The following WDR41 variants were observed in gnomAD, a reference collection of about 807,000 sequenced individuals.
WDR41 encodes WD repeat-containing protein 41.
In WDR41, 63 loss-of-function variants were observed where a neutral mutation model predicts 69.3. That is an observed-to-expected ratio of 0.91 (90% CI 0.74 to 1.12). The LOEUF (loss-of-function observed/expected upper bound fraction) is 1.12. Ranked by LOEUF, WDR41 falls within the 50% of genes most tolerant of loss-of-function variation. The pLI is 0.00. For synonymous variants in WDR41, 185 were observed against 192.1 expected (o/e 0.96, Z 0.31); for missense variants, 543 against 534.5 (o/e 1.02, Z -0.16).
chr5:77,531,055 T>C (rs1802522384), intron 1 of WDR41, among the ~76,000 whole-genome samples: 2 of 151,706 alleles, frequency 1.3e-5, no homozygotes, highest in Non-Finnish European at 3.0e-5. Flanking sequence ...ATAAAACTCT[T>C]AGGAAAAAAC....
chr5:77,586,262 A>G (rs1376440480), intron 1 of WDR41, among the ~76,000 whole-genome samples: 1 of 151,972 alleles, frequency 6.6e-6, no homozygotes, highest in Non-Finnish European at 1.5e-5. Flanking sequence ...TTACATCTCA[A>G]TAAAACCCTT....
chr5:77,450,947 G>GT (rs1464009704), intron 7 of WDR41, among the ~76,000 whole-genome samples: 1 of 152,116 alleles, frequency 6.6e-6, no homozygotes, highest in East Asian at 1.9e-4. Context: ...TCAAAAGAAG[G>GT]TTTTTCAGTC....
chr5:77,593,682 G>C (rs1744170821), intron 1 of WDR41, among the ~76,000 whole-genome samples: 1 of 152,140 alleles, frequency 6.6e-6, no homozygotes, highest in African/African-American at 2.4e-5. Context: ...GAATATTAAA[G>C]CTGGAAGAGA....
intron 5 of WDR41, chr5:77,458,719 T>C: frequency 6.0e-6 from 1 of 167,958 alleles, no homozygotes. Context: ...AATAGCTCTA[T>C]ATTTTAAATT....
chr5:77,506,809 T>G (rs145197360), intron 1 of WDR41, among the ~76,000 whole-genome samples: 1,986 of 152,132 alleles, frequency 0.013, 18 homozygotes, highest in Non-Finnish European at 0.022. Flanking sequence ...ACACCATATG[T>G]TCTCAGTCAT....
chr5:77,473,937 A>T (rs1047435154), intron 2 of WDR41, among the ~76,000 whole-genome samples: 23 of 152,212 alleles, frequency 1.5e-4, no homozygotes, highest in Non-Finnish European at 3.2e-4. Flanking sequence ...ATTACTGGGT[A>T]TATACCCAAA....
intron 1 of WDR41, among the ~76,000 whole-genome samples, chr5:77,581,599 G>A (rs1267053888): frequency 6.6e-6 from 1 of 152,072 alleles, no homozygotes; most frequent in Non-Finnish European, 1.5e-5. Context: ...CCATATGTTA[G>A]GCCACAAAAT....
intron 2 of WDR41, among the ~76,000 whole-genome samples, chr5:77,467,579 C>T (rs1478267264): frequency 1.3e-5 from 2 of 151,992 alleles, no homozygotes; most frequent in African/African-American, 4.8e-5. Flanking sequence ...AAATATGCTT[C>T]TTAGAATCAT....
At chr5:77,498,541 AGTCATG>A (rs1801966917) in intron 1 of WDR41, among the ~76,000 whole-genome samples, 1 of 152,202 alleles carries the variant, frequency 6.6e-6, no homozygotes, top group Middle Eastern at 3.2e-3. Context: ...TGGAGAGGCC[AGTCATG>A]GTGTCTCAAG....
chr5:77,569,777 T>C (rs1014925844), intron 1 of WDR41, among the ~76,000 whole-genome samples: 2 of 152,204 alleles, frequency 1.3e-5, no homozygotes, highest in Admixed American at 1.3e-4. Flanking sequence ...TTTTCTTCTC[T>C]TTGTTGACCA....
At chr5:77,576,305 C>A (rs367700561) in intron 1 of WDR41, among the ~76,000 whole-genome samples, 1 of 152,136 alleles carries the variant, frequency 6.6e-6, no homozygotes, top group Non-Finnish European at 1.5e-5. Flanking sequence ...TTCACTACCC[C>A]CCTCAACCTG....
At chr5:77,607,841 AAAT>A (rs1485056381) in intron 1 of WDR41, among the ~76,000 whole-genome samples, 1 of 152,250 alleles carries the variant, frequency 6.6e-6, no homozygotes, top group Non-Finnish European at 1.5e-5. Flanking sequence ...TTAAGTTTTC[AAAT>A]AATTGCCTAT....
intron 8 of WDR41, among the ~76,000 whole-genome samples, chr5:77,441,206 T>C (rs1799149797): frequency 3.9e-5 from 6 of 152,152 alleles, no homozygotes. Flanking sequence ...GTAATAATGA[T>C]TGCATTTCAT....
At position 77,464,747 on chromosome 5, in the gene WDR41, TAATC is replaced by T. The variant is rs937122699; in HGVS notation, c.216+10_216+13del. The stretch of plus-strand genomic sequence containing the variant: ...ATATCTTTATCACACAATCCACACA[TAATC>T]AATACACACCTGGGCATTCCACACA... On this transcript the variant is annotated intron_variant, in intron 3 of 12. Coordinates refer to ENST00000296679, the MANE Select transcript of WDR41 (RefSeq NM_018268.4). The T allele has an allele frequency of 6.2e-7, 1 of 1,613,112 alleles. No homozygotes were observed. The highest frequency in any genetic ancestry group is 8.5e-7 in the Non-Finnish European group (1 of 1,179,280).
chr5:77,548,817 A>G (rs1415427379), intron 1 of WDR41, among the ~76,000 whole-genome samples: 3 of 152,230 alleles, frequency 2.0e-5, no homozygotes. Context: ...TATGGAAAAG[A>G]TACTTGCACA....
At chr5:77,498,241 A>G (rs1362283872) in intron 1 of WDR41, among the ~76,000 whole-genome samples, 6 of 152,236 alleles carry the variant, frequency 3.9e-5, no homozygotes, top group African/African-American at 1.4e-4. Flanking sequence ...AATGACAAAT[A>G]TGTTAGTATA....
intron 1 of WDR41, among the ~76,000 whole-genome samples, chr5:77,569,496 AACTCAGGTTGCAAACAATGACATGCTTC>A (rs892260847): frequency 7.9e-5 from 12 of 152,164 alleles, no homozygotes; most frequent in African/African-American, 2.9e-4. Context: ...GCTCTCATGG[AACTCAGGTTGCAAACAATGACATGCTTC>A]ACTGACCTGG....
chr5:77,607,378 T>C (rs529233164), intron 1 of WDR41, among the ~76,000 whole-genome samples: 4 of 152,238 alleles, frequency 2.6e-5, no homozygotes, highest in Admixed American at 1.3e-4. Flanking sequence ...ACTATTTCCA[T>C]ATTTTAAGCC....
At chr5:77,610,850 C>A (rs1433074684) in intron 1 of WDR41, among the ~76,000 whole-genome samples, 2 of 151,376 alleles carry the variant, frequency 1.3e-5, no homozygotes, top group South Asian at 2.1e-4. Flanking sequence ...AATTAAAAGA[C>A]ACAGACTGGC....
Sources: allele counts gnomAD v4.1 joint callset (sites outside exome capture counted in the v4.1 genomes callset), GRCh38; gene constraint gnomAD v4.1.1; transcripts MANE v1.5; gene names NCBI Gene and HGNC (gene_info 2026-07-23, HGNC 2026-07-21).